MCHR2: variants seen among roughly 807,000 people sequenced by gnomAD.
The protein encoded by MCHR2 is melanin concentrating hormone receptor 2.
MCHR2 carries 15 observed loss-of-function variants against 24.8 expected under a neutral mutation model. The ratio of observed to expected loss-of-function variants is 0.60; its 90% CI spans 0.40 to 0.93. The LOEUF (loss-of-function observed/expected upper bound fraction) is 0.93. Ranked by LOEUF, MCHR2 falls within the 40% of genes least tolerant of loss-of-function variation. The probability of loss-of-function intolerance (pLI) is 0.00; values close to 1 mark genes in which losing one functional copy is unlikely to be tolerated. For synonymous variants in MCHR2, 151 were observed against 147.6 expected, an observed-to-expected ratio of 1.02 and a Z score of -0.17; for missense variants, 386 against 408.7, an observed-to-expected ratio of 0.94 and a Z score of 0.48.
At chr6:99,991,056 G>A (rs1775862803) in intron 1 of MCHR2, among the ~76,000 whole-genome samples, 1 of 151,714 alleles carries the variant, frequency 6.6e-6, no homozygotes, top group East Asian at 1.9e-4. Context: ...GGTAACCCCA[G>A]GGAGAGAAAG....
intron 1 of MCHR2, among the ~76,000 whole-genome samples, chr6:99,975,955 A>G (rs550250894): frequency 1.2e-4 from 19 of 152,214 alleles, no homozygotes; most frequent in Non-Finnish European, 2.1e-4. Context: ...TGCTGGAATG[A>G]TGCAGGAATT....
Position 99,926,864 on chromosome 6 carries a change from G to T in MCHR2, c.708-5609C>A, listed in dbSNP as rs933060478. ...AATTAGACTCCATTTGTCAATTTTG[G>T]CTTTTGTTGCCATTGCTTTTGGTGT... On this transcript the variant is annotated intron_variant, in intron 5 of 5. Transcript: ENST00000281806. 3.9e-5 allele frequency among the ~76,000 whole-genome samples: 6 copies of T among 152,216 alleles called. No homozygotes were observed. The East Asian group carries it at 5.8e-4, about 15-fold the overall frequency.
intron 1 of MCHR2, among the ~76,000 whole-genome samples, chr6:99,958,857 T>C (rs1251535509): frequency 6.6e-6 from 1 of 152,180 alleles, no homozygotes; most frequent in Admixed American, 6.6e-5. Flanking sequence ...GTTCTAACTT[T>C]CAAGGGGCTT....
intron 1 of MCHR2, among the ~76,000 whole-genome samples, chr6:99,974,202 A>T (rs1224629791): frequency 6.6e-6 from 1 of 152,174 alleles, no homozygotes; most frequent in African/African-American, 2.4e-5. Flanking sequence ...TACACCAATC[A>T]GATGTAGATT....
intron 1 of MCHR2, among the ~76,000 whole-genome samples, chr6:99,962,137 A>G (rs4401670): frequency 0.3 from 45,056 of 152,048 alleles, 7,734 homozygotes; most frequent in Admixed American, 0.41. Context: ...GTCTGTTATT[A>G]AGTAAAATAA....
chr6:99,931,860 G>C (rs372774801), intron 5 of MCHR2, among the ~76,000 whole-genome samples: 4 of 152,172 alleles, frequency 2.6e-5, no homozygotes, highest in Non-Finnish European at 4.4e-5. Flanking sequence ...TGCACCCACT[G>C]TCTGGCACTC....
At chr6:99,993,531 C>T (rs1294293900) in intron 1 of MCHR2, among the ~76,000 whole-genome samples, 1 of 152,080 alleles carries the variant, frequency 6.6e-6, no homozygotes. Context: ...AGCCAGTGAT[C>T]GCCTCCTCGC....
At chr6:99,951,421 T>A (rs1213746141) in intron 2 of MCHR2, among the ~76,000 whole-genome samples, 3 of 152,106 alleles carry the variant, frequency 2.0e-5, no homozygotes, top group African/African-American at 7.2e-5. Flanking sequence ...TAGAGTCCTA[T>A]ATTTGCCAAC....
intron 5 of MCHR2, among the ~76,000 whole-genome samples, chr6:99,926,787 G>A (rs1774370050): frequency 6.6e-6 from 1 of 152,054 alleles, no homozygotes; most frequent in African/African-American, 2.4e-5. Flanking sequence ...TTTGTAGGTT[G>A]CCTGTTCACT....
chr6:99,988,267 A>G lies in MCHR2; in HGVS notation c.-28+5669T>C, dbSNP rs578209727. ...TGGCCTAATGGTGACATCAGAGTCC[A>G]GGTCTTTTCCTTCTTTTCCACTGCA... On this transcript the variant is annotated intron_variant, in intron 1 of 5. Transcript: ENST00000281806. Among the ~76,000 whole-genome samples, 4 of 152,340 alleles carry G rather than the reference A, an allele frequency of 2.6e-5. No homozygotes were observed. In the South Asian group the frequency reaches 8.3e-4, roughly 32 times the overall value.
At chr6:99,976,965 G>A (rs888558624) in intron 1 of MCHR2, among the ~76,000 whole-genome samples, 50 of 152,172 alleles carry the variant, frequency 3.3e-4, no homozygotes, top group African/African-American at 9.9e-4. Context: ...AACCTTAGGC[G>A]AACGGAGGCC....
In MCHR2 at chr6:99,978,429, T is replaced by TTTG. The variant is rs1775599968; in HGVS notation, c.-28+15506_-28+15507insCAA. Among the ~76,000 whole-genome samples, 5 of 144,676 alleles carry TTTG rather than the reference T, an allele frequency of 3.5e-5. No homozygotes were observed. In the South Asian group the frequency reaches 7.0e-4, roughly 20 times the overall value. The allele number at this position is 144,676 out of a possible 152,430, so 94.9% of individuals were successfully genotyped here. ...ATGGGAGGTCAAGACAGTTTTTTTTTTTTTTTTTTTTGAGACGGAGTCTTG... is the reference window on the plus strand; with the variant it reads ...ATGGGAGGTCAAGACAGTTTTTTTTTTTGTTTTTTTTTTTGAGACGGAGTCTTG... On this transcript the variant is annotated intron_variant, in intron 1 of 5. Transcript: ENST00000281806.
Position 99,947,835 on chromosome 6 carries a change from T to G in MCHR2, c.319A>C (p.Thr107Pro). ...GEWVFGGPLC[T>P]IITSLDTCNQ... ...CAAGTATCCAGGGATGTGATGATGGTGCAGAGAGGCCCCCCAAACACCCAC... is the reference window on the plus strand; with the variant it reads ...CAAGTATCCAGGGATGTGATGATGGGGCAGAGAGGCCCCCCAAACACCCAC... Residue 107 changes from threonine (T) to proline (P), a missense_variant, in exon 3 of 6, where the codon ACC becomes CCC. By Grantham distance (38) the Thr-to-Pro change is conservative (BLOSUM62 -1). Transcript: ENST00000281806. The G allele has an allele frequency of 6.2e-7, 1 of 1,613,816 alleles. No individual in the cohort carries two copies. Among genetic ancestry groups the G allele is most frequent in the Non-Finnish European group, 8.5e-7 (1 of 1,179,798 alleles).
At chr6:99,972,855 C>G (rs527688992) in intron 1 of MCHR2, among the ~76,000 whole-genome samples, 2 of 152,138 alleles carry the variant, frequency 1.3e-5, no homozygotes, top group African/African-American at 4.8e-5. Context: ...GTTCAGTTTC[C>G]ATGTAGTTGA....
rs199680810 is a variant in MCHR2 at position 99,956,055 on chromosome 6, C to A, written c.93G>T (p.Val31=). The A allele has an allele frequency of 6.2e-7, 1 of 1,613,366 alleles. No homozygotes were observed. Among genetic ancestry groups the A allele is most frequent in the African/African-American group, 1.3e-5 (1 of 74,944 alleles). ...TGGAAGGGAGGATGACTGTATCTAC[C>A]ACACTGGCAGTTTGATAAGCAAACT... ...NKEFAYQTAS[V]VDTVILPSMI... The change falls in exon 2 of 6, where the codon GTG becomes GTT. Residue 31 remains valine, a synonymous_variant. Coordinates refer to ENST00000281806, the MANE Select transcript of MCHR2 (RefSeq NM_001040179.2).
chr6:99,966,579 GC>G (rs973216025), intron 1 of MCHR2, among the ~76,000 whole-genome samples: 2 of 152,022 alleles, frequency 1.3e-5, no homozygotes, highest in Non-Finnish European at 2.9e-5. Context: ...AAGAGTGAAT[GC>G]CCAACAATAT....
intron 1 of MCHR2, among the ~76,000 whole-genome samples, chr6:99,957,008 A>G (rs947009667): frequency 3.3e-5 from 5 of 151,968 alleles, no homozygotes; most frequent in Non-Finnish European, 1.5e-5. Flanking sequence ...ACAGCAACTT[A>G]AAAATACTCA....
chr6:99,974,254 T>G (rs959865887), intron 1 of MCHR2, among the ~76,000 whole-genome samples: 1 of 143,306 alleles, frequency 7.0e-6, no homozygotes, highest in Non-Finnish European at 1.5e-5. Flanking sequence ...AAGCTTTGTT[T>G]GTTTCTTTTT....
chr6:99,971,886 C>A (rs963188012), intron 1 of MCHR2, among the ~76,000 whole-genome samples: 3 of 152,166 alleles, frequency 2.0e-5, no homozygotes, highest in African/African-American at 7.2e-5. Context: ...TATGTTGAAC[C>A]AGCCTTGCAT....
Sources: gnomAD v4.1 joint callset for allele counts (sites outside exome capture counted in the v4.1 genomes callset) on GRCh38, gnomAD v4.1.1 for gene constraint, MANE v1.5 for transcripts, NCBI Gene and HGNC (gene_info 2026-07-23, HGNC 2026-07-21) for gene names.